RIMS2: variants seen among roughly 807,000 people sequenced by gnomAD.
RIMS2 encodes the protein regulating synaptic membrane exocytosis protein 2.
Under a neutral mutation model 174.4 loss-of-function variants are expected in RIMS2, and 59 were observed. The ratio of observed to expected loss-of-function variants is 0.34; its 90% CI spans 0.27 to 0.42. The LOEUF is 0.42. Among genes scored for constraint, RIMS2 ranks in the 10% least tolerant of loss-of-function variants. RIMS2 has a pLI of 1.00. For missense variants in RIMS2, 1,620 were observed against 1,666.3 expected (o/e 0.97, Z 0.48); for synonymous variants, 606 against 572.5 (o/e 1.06, Z -0.84).
intron 3 of RIMS2, among the ~76,000 whole-genome samples, chr8:103,842,730 T>C (rs1357850396): frequency 2.6e-5 from 4 of 152,232 alleles, no homozygotes; most frequent in African/African-American, 9.6e-5. Flanking sequence ...TTGGTTGTTA[T>C]AGAAGTTTTT....
At chr8:104,080,315 A>G (rs1234866842) in intron 19 of RIMS2, among the ~76,000 whole-genome samples, 1 of 152,070 alleles carries the variant, frequency 6.6e-6, no homozygotes, top group Non-Finnish European at 1.5e-5. Context: ...CTCATCATTA[A>G]TTAAGTAAAT....
At chr8:103,981,053 AT>A (rs1423110561) in intron 16 of RIMS2, among the ~76,000 whole-genome samples, 6 of 152,140 alleles carry the variant, frequency 3.9e-5, no homozygotes, top group African/African-American at 1.4e-4. Flanking sequence ...CCACCTACTG[AT>A]TGTAGAGTCC....
At chr8:103,759,133 A>G (rs1357936821) in intron 2 of RIMS2, among the ~76,000 whole-genome samples, 2 of 152,132 alleles carry the variant, frequency 1.3e-5, no homozygotes, top group African/African-American at 4.8e-5. Flanking sequence ...ACGAGGATGC[A>G]TTTTTGTTAA....
At chr8:104,211,567 A>ATT (rs10699798) in intron 19 of RIMS2, among the ~76,000 whole-genome samples, 19,877 of 141,716 alleles carry the variant, frequency 0.14, 1,745 homozygotes, top group African/African-American at 0.25. Context: ...CCAATGTGGA[A>ATT]TTTTTTTTTT....
intron 19 of RIMS2, among the ~76,000 whole-genome samples, chr8:104,055,472 C>T (rs1275722092): frequency 6.6e-6 from 1 of 152,070 alleles, no homozygotes; most frequent in East Asian, 1.9e-4. Context: ...GGGGAATAGT[C>T]AATTAACACA....
chr8:103,758,872 T>A (rs2140062096), intron 2 of RIMS2, among the ~76,000 whole-genome samples: 1 of 152,336 alleles, frequency 6.6e-6, no homozygotes, highest in South Asian at 2.1e-4. Context: ...GGTTAAAAGT[T>A]TAAATTTAGG....
At chr8:103,666,404 A>T (rs977563305) in intron 1 of RIMS2, among the ~76,000 whole-genome samples, 23 of 152,242 alleles carry the variant, frequency 1.5e-4, no homozygotes, top group African/African-American at 5.1e-4. Context: ...TCAACCGGAG[A>T]GGTTGACCAA....
chr8:103,929,406 G>T (rs78649000), intron 11 of RIMS2, among the ~76,000 whole-genome samples: 6 of 151,506 alleles, frequency 4.0e-5, no homozygotes, highest in Non-Finnish European at 8.9e-5. Flanking sequence ...CCCCCCAAAA[G>T]GTTCTCATAG....
At chr8:103,540,649 C>T (rs773863770) in intron 1 of RIMS2, among the ~76,000 whole-genome samples, 1 of 152,116 alleles carries the variant, frequency 6.6e-6, no homozygotes, top group Non-Finnish European at 1.5e-5. Flanking sequence ...TACTAATTTT[C>T]CACTAACTAA....
intron 2 of RIMS2, among the ~76,000 whole-genome samples, chr8:103,702,218 T>C (rs1023451346): frequency 1.2e-4 from 19 of 152,172 alleles, no homozygotes; most frequent in Non-Finnish European, 2.5e-4. Context: ...ACCTGTTGGA[T>C]ATTTGTTTGT....
chr8:103,739,554 T>C (rs2097733796), intron 2 of RIMS2, among the ~76,000 whole-genome samples: 1 of 152,276 alleles, frequency 6.6e-6, no homozygotes, highest in Non-Finnish European at 1.5e-5. Context: ...AACTTCAATG[T>C]TATTTAAAAT....
At chr8:104,082,405 A>G (rs906864534) in intron 19 of RIMS2, among the ~76,000 whole-genome samples, 13 of 152,202 alleles carry the variant, frequency 8.5e-5, no homozygotes, top group African/African-American at 2.9e-4. Context: ...GAAGAACAGC[A>G]AAAGAAATAT....
At chr8:104,013,388 A>G (rs1301071659) in intron 17 of RIMS2, 54 bp from the exon 20 acceptor site, 1 of 1,448,276 alleles carries the variant, frequency 6.9e-7, no homozygotes, top group African/African-American at 1.4e-5. Flanking sequence ...ATCATAACCA[A>G]ATAGCAGAAG....
intron 19 of RIMS2, among the ~76,000 whole-genome samples, chr8:104,187,906 G>A (rs749005559): frequency 2.0e-5 from 3 of 151,040 alleles, no homozygotes; most frequent in Non-Finnish European, 4.4e-5. Flanking sequence ...TTCAAGAGAA[G>A]AGTTTTTTTA....
chr8:103,839,963 A>G (rs2098929977), intron 3 of RIMS2, among the ~76,000 whole-genome samples: 2 of 152,222 alleles, frequency 1.3e-5, no homozygotes, highest in South Asian at 2.1e-4. Flanking sequence ...CATGAAACCA[A>G]TGCTTTCTGC....
intron 2 of RIMS2, among the ~76,000 whole-genome samples, chr8:103,738,329 A>G (rs1282071760): frequency 1.3e-5 from 2 of 152,220 alleles, no homozygotes; most frequent in South Asian, 2.1e-4. Context: ...GGCTAGCCAT[A>G]TGTAGAAAGC....
At chr8:103,856,345 G>A (rs2099027666) in intron 3 of RIMS2, among the ~76,000 whole-genome samples, 1 of 152,134 alleles carries the variant, frequency 6.6e-6, no homozygotes, top group Non-Finnish European at 1.5e-5. Context: ...GTTGGAGCTT[G>A]TCTTTTTATC....
At chr8:104,251,192 T>G in intron 23 of RIMS2, 29 bp downstream of exon 29, 1 of 1,562,858 alleles carries the variant, frequency 6.4e-7, no homozygotes, top group South Asian at 1.2e-5. Context: ...ATCCCTTACC[T>G]AAGAAAGTAT....
intron 15 of RIMS2, among the ~76,000 whole-genome samples, chr8:103,964,943 G>T (rs1327228692): frequency 2.0e-5 from 3 of 152,072 alleles, no homozygotes; most frequent in African/African-American, 7.2e-5. Flanking sequence ...TTGCTTTTAT[G>T]TTGCCAGAGA....
Sources: allele counts gnomAD v4.1 joint callset (sites outside exome capture counted in the v4.1 genomes callset), GRCh38; gene constraint gnomAD v4.1.1; transcripts MANE v1.5; gene names NCBI Gene and HGNC (gene_info 2026-07-23, HGNC 2026-07-21).